The following P2RY14 variants were observed in gnomAD, a reference collection of about 807,000 sequenced individuals.
P2RY14 encodes the protein purinergic receptor P2Y14.
P2RY14 carries 2 observed loss-of-function variants against 0.9 expected under a neutral mutation model. The observed-to-expected ratio is 2.16, with a 90% CI of 0.88 to 6.79. P2RY14 has a LOEUF of 6.79. Ranked by LOEUF, P2RY14 falls within the 30% of genes most tolerant of loss-of-function variation. The pLI is 0.05. For synonymous variants in P2RY14, 158 were observed against 147.2 expected (o/e 1.07, Z -0.53); for missense variants, 378 against 400.1 (o/e 0.94, Z 0.47).
intron 1 of P2RY14, among the ~76,000 whole-genome samples, chr3:151,246,864 C>T (rs1296099132): frequency 6.6e-6 from 1 of 152,148 alleles, no homozygotes; most frequent in Non-Finnish European, 1.5e-5. Flanking sequence ...TTTTCGCAAC[C>T]TACTCATCTG....
chr3:151,260,716 G>A (rs1399230449), intron 1 of P2RY14, among the ~76,000 whole-genome samples: 2 of 152,138 alleles, frequency 1.3e-5, no homozygotes, highest in Non-Finnish European at 2.9e-5. Context: ...TTGTTTCCCA[G>A]TGATCACTTT....
At chr3:151,223,994 T>C (rs1230123270) in intron 1 of P2RY14, among the ~76,000 whole-genome samples, 2 of 152,230 alleles carry the variant, frequency 1.3e-5, no homozygotes, top group African/African-American at 4.8e-5. Context: ...TGATATTTTA[T>C]TTCTTAAATT....
At position 151,219,903 on chromosome 3, in the gene P2RY14, C is replaced by CA. The variant is rs1175620675; in HGVS notation, c.-132-262_-132-261insT. On this transcript the variant is annotated intron_variant, in intron 1 of 2. Transcript: ENST00000309170. ...ATTGGTTTATATTACCCCCCCCCCCCCCTTGGATATGGATGATCGAATCAA... is the reference window on the plus strand; with the variant it reads ...ATTGGTTTATATTACCCCCCCCCCCCACCTTGGATATGGATGATCGAATCAA... 6.3e-4 allele frequency among the ~76,000 whole-genome samples: 86 copies of CA among 136,844 alleles called. 2 individuals are homozygous for CA. The East Asian group carries it at 0.019, about 30-fold the overall frequency. The allele number at this position is 136,844 out of a possible 152,430, so 89.8% of individuals were successfully genotyped here. A position where few individuals can be genotyped will look rare whatever the true frequency, so the allele number is the denominator to read the frequency against.
At chr3:151,238,994 A>T (rs1403647665) in intron 1 of P2RY14, among the ~76,000 whole-genome samples, 1 of 152,216 alleles carries the variant, frequency 6.6e-6, no homozygotes, top group Non-Finnish European at 1.5e-5. Flanking sequence ...ACAATTTTTG[A>T]CAATGATAAA....
At chr3:151,242,819 A>C (rs944844145) in intron 1 of P2RY14, among the ~76,000 whole-genome samples, 3 of 151,602 alleles carry the variant, frequency 2.0e-5, no homozygotes, top group African/African-American at 7.3e-5. Flanking sequence ...AATTACTCTG[A>C]GCTACGGGAG....
At chr3:151,238,716 C>T (rs761141397) in intron 1 of P2RY14, among the ~76,000 whole-genome samples, 12 of 152,100 alleles carry the variant, frequency 7.9e-5, no homozygotes, top group Non-Finnish European at 1.5e-4. Context: ...ATCAGTTTTA[C>T]CAATTGCTTA....
intron 1 of P2RY14, among the ~76,000 whole-genome samples, chr3:151,250,732 T>C (rs561593541): frequency 1.3e-5 from 2 of 152,344 alleles, no homozygotes; most frequent in African/African-American, 2.4e-5. Flanking sequence ...TGAAAGTGGG[T>C]ATACAAATAT....
intron 1 of P2RY14, among the ~76,000 whole-genome samples, chr3:151,255,316 A>G (rs1737613929): frequency 6.6e-6 from 1 of 152,164 alleles, no homozygotes; most frequent in Non-Finnish European, 1.5e-5. Flanking sequence ...TGTGACATGC[A>G]GTGTGACTTA....
intron 1 of P2RY14, among the ~76,000 whole-genome samples, chr3:151,249,314 G>A (rs1736389732): frequency 6.6e-6 from 1 of 152,208 alleles, no homozygotes; most frequent in South Asian, 2.1e-4. Flanking sequence ...TGTATTTATT[G>A]GGAAGTATTT....
chr3:151,263,326 T>C (rs1739250187), intron 1 of P2RY14, among the ~76,000 whole-genome samples: 1 of 152,230 alleles, frequency 6.6e-6, no homozygotes, highest in Admixed American at 6.5e-5. Flanking sequence ...TGTGAGCATC[T>C]GTTTCATTTT....
chr3:151,241,398 T>G (rs1413472493), intron 1 of P2RY14, among the ~76,000 whole-genome samples: 1 of 152,224 alleles, frequency 6.6e-6, no homozygotes, highest in Admixed American at 6.5e-5. Flanking sequence ...TACTCTTGAT[T>G]TTTTTCTCCT....
intron 1 of P2RY14, among the ~76,000 whole-genome samples, chr3:151,256,815 G>GTT (rs56702829): frequency 1.1e-3 from 127 of 118,568 alleles, no homozygotes; most frequent in South Asian, 2.9e-3. Context: ...AATCCAGTCT[G>GTT]TTTTTTTTTT....
intron 1 of P2RY14, among the ~76,000 whole-genome samples, 176 bp from the exon 2 acceptor site, chr3:151,219,818 G>C (rs1395948414): frequency 6.6e-6 from 1 of 150,730 alleles, no homozygotes; most frequent in Non-Finnish European, 1.5e-5. Context: ...TATTGATTTG[G>C]TTGCAGCCTC....
chr3:151,274,891 T>A (rs1741591553), intron 1 of P2RY14, among the ~76,000 whole-genome samples: 1 of 152,184 alleles, frequency 6.6e-6, no homozygotes, highest in Non-Finnish European at 1.5e-5. Flanking sequence ...TTGTAAGGAA[T>A]CAGTGTTGAA....
chr3:151,229,951 G>T (rs894938302), intron 1 of P2RY14, among the ~76,000 whole-genome samples: 5 of 151,958 alleles, frequency 3.3e-5, no homozygotes, highest in African/African-American at 9.7e-5. Context: ...AGGCTCACAT[G>T]TTGGGATCTG....
intron 1 of P2RY14, among the ~76,000 whole-genome samples, chr3:151,236,087 A>G (rs527840995): frequency 6.6e-6 from 1 of 152,304 alleles, no homozygotes; most frequent in Non-Finnish European, 1.5e-5. Context: ...TCTTAAAGGT[A>G]AGCTTTGCCA....
rs397686351 is a variant in P2RY14, at chr3:151,218,866, C to CAA, written c.-25+667_-25+668dup. Among the ~76,000 whole-genome samples the CAA allele has an allele frequency of 5.6e-3, 402 of 71,364 alleles. 9 individuals carry two copies. The highest frequency in any genetic ancestry group is 7.3e-3 in the Non-Finnish European group (263 of 35,800). The allele number at this position is 71,364 out of a possible 152,430, so 46.8% of individuals were successfully genotyped here. On this transcript the variant is annotated intron_variant, in intron 2 of 2. Coordinates refer to ENST00000309170, the MANE Select transcript of P2RY14 (RefSeq NM_014879.4). Reference sequence around the variant, plus strand: ...TGGGTGACAGAGCAAGACTCAGTCTCAAAAAAAAAAAAAAAAAAAAAAAAA... The same window carrying CAA: ...TGGGTGACAGAGCAAGACTCAGTCTCAAAAAAAAAAAAAAAAAAAAAAAAAAA...
intron 1 of P2RY14, among the ~76,000 whole-genome samples, chr3:151,227,848 G>C (rs536748309): frequency 8.5e-5 from 13 of 152,274 alleles, no homozygotes; most frequent in African/African-American, 2.6e-4. Flanking sequence ...TCAGTTCTTT[G>C]TGGGTAGGCT....
At chr3:151,258,319 T>G (rs1401260704) in intron 1 of P2RY14, among the ~76,000 whole-genome samples, 1 of 152,252 alleles carries the variant, frequency 6.6e-6, no homozygotes, top group Non-Finnish European at 1.5e-5. Flanking sequence ...TAATTCTGTT[T>G]GTTGTCTTGT....
Sources: allele counts gnomAD v4.1 joint callset (sites outside exome capture counted in the v4.1 genomes callset), GRCh38; gene constraint gnomAD v4.1.1; transcripts MANE v1.5; gene names NCBI Gene and HGNC (gene_info 2026-07-23, HGNC 2026-07-21).